The following GLIS3 variants were observed in gnomAD, a reference collection of about 807,000 sequenced individuals.
GLIS3 encodes GLIS family zinc finger 3.
In GLIS3, 53 loss-of-function variants were observed where a neutral mutation model predicts 78.6. That is an observed-to-expected ratio of 0.67 (90% CI 0.54 to 0.85). GLIS3 has a LOEUF of 0.85. GLIS3 is among the 40% of genes least tolerant of loss of function. The pLI is 0.00. For synonymous variants in GLIS3, 684 were observed against 509.9 expected, an observed-to-expected ratio of 1.34 and a Z score of -4.60; for missense variants, 1,703 against 1,231.1, an observed-to-expected ratio of 1.38 and a Z score of -5.74.
chr9:4,037,383 C>T (rs1360761225), intron 4 of GLIS3, among the ~76,000 whole-genome samples: 2 of 152,078 alleles, frequency 1.3e-5, no homozygotes, highest in East Asian at 1.9e-4. Context: ...GTAAAAGTGT[C>T]GATCTGATAG....
At chr9:3,999,023 AG>A (rs1381918510) in intron 4 of GLIS3, among the ~76,000 whole-genome samples, 1 of 152,056 alleles carries the variant, frequency 6.6e-6, no homozygotes, top group African/African-American at 2.4e-5. Flanking sequence ...CTATAAAAAA[AG>A]GTGGTATAAA....
At chr9:4,210,744 T>TGCA (rs1820302822) in intron 2 of GLIS3, among the ~76,000 whole-genome samples, 2 of 152,378 alleles carry the variant, frequency 1.3e-5, no homozygotes, top group South Asian at 4.1e-4. Flanking sequence ...CCCCACTGGC[T>TGCA]GTACGCTTCG....
At chr9:4,347,752 G>T (rs1001125992) in intron 1 of GLIS3, among the ~76,000 whole-genome samples, 1 of 152,134 alleles carries the variant, frequency 6.6e-6, no homozygotes. Context: ...TTTGGTGGGG[G>T]TTGGGGGAGT....
the GLIS3 span, among the ~76,000 whole-genome samples, chr9:4,358,903 A>C: frequency 6.6e-6 from 1 of 151,776 alleles, no homozygotes; most frequent in African/African-American, 2.4e-5. Flanking sequence ...TGCTGCCTCC[A>C]CTCTCCCACT....
chr9:4,201,412 T>C (rs910292695), intron 2 of GLIS3, among the ~76,000 whole-genome samples: 1 of 152,120 alleles, frequency 6.6e-6, no homozygotes, highest in African/African-American at 2.4e-5. Context: ...TTGTGGAAAA[T>C]CTGATTCTAT....
chr9:4,440,911 G>A, the GLIS3 span, among the ~76,000 whole-genome samples: 1 of 151,536 alleles, frequency 6.6e-6, no homozygotes, highest in Admixed American at 6.6e-5. Flanking sequence ...ATTTTTGGTA[G>A]TTATTATAAA....
intron 2 of GLIS3, among the ~76,000 whole-genome samples, chr9:4,131,698 TTAAACCTCTTTTCTTTG>T (rs1387674713): frequency 6.6e-6 from 1 of 152,150 alleles, no homozygotes; most frequent in Non-Finnish European, 1.5e-5. Context: ...TGTGAACCAA[TTAAACCTCTTTTCTTTG>T]TAAATTACCC....
At chr9:4,433,786 G>A in the GLIS3 span, among the ~76,000 whole-genome samples, 2 of 152,200 alleles carry the variant, frequency 1.3e-5, no homozygotes, top group African/African-American at 2.4e-5. Context: ...TGCTAGTGGT[G>A]TAATTTGTTC....
intron 2 of GLIS3, among the ~76,000 whole-genome samples, chr9:4,256,171 T>C (rs987988807): frequency 6.6e-6 from 1 of 152,118 alleles, no homozygotes; most frequent in Non-Finnish European, 1.5e-5. Flanking sequence ...GTAAAGCACC[T>C]CTATTAAAAA....
At chr9:3,881,299 G>T (rs1265409148) in intron 7 of GLIS3, among the ~76,000 whole-genome samples, 4 of 152,006 alleles carry the variant, frequency 2.6e-5, no homozygotes, top group African/African-American at 9.7e-5. Context: ...CTTCAGTGTA[G>T]AAATGTGAGT....
the GLIS3 span, among the ~76,000 whole-genome samples, chr9:4,367,403 T>C: frequency 6.6e-6 from 1 of 152,072 alleles, no homozygotes; most frequent in African/African-American, 2.4e-5. Context: ...ACCATCACCT[T>C]CCGGAGGCCT....
the GLIS3 span, among the ~76,000 whole-genome samples, chr9:4,484,745 A>G: frequency 0.028 from 4,293 of 152,200 alleles, 82 homozygotes; most frequent in Middle Eastern, 0.051. Context: ...GGAGGAAGTT[A>G]TAGTTTAACC....
chr9:4,444,212 AC>A, the GLIS3 span, among the ~76,000 whole-genome samples: 1 of 152,236 alleles, frequency 6.6e-6, no homozygotes, highest in Non-Finnish European at 1.5e-5. Context: ...AAAAAGACAT[AC>A]AAAGGCTCTT....
At chr9:4,199,820 T>C (rs755803848) in intron 2 of GLIS3, among the ~76,000 whole-genome samples, 31 of 152,200 alleles carry the variant, frequency 2.0e-4, no homozygotes, top group Non-Finnish European at 3.7e-4. Context: ...CTAATAGATA[T>C]GTACAGAATA....
At chr9:4,328,878 AGAG>A (rs777130749) in intron 2 of GLIS3, among the ~76,000 whole-genome samples, 21 of 152,212 alleles carry the variant, frequency 1.4e-4, no homozygotes, top group Non-Finnish European at 3.1e-4. Context: ...TACTATTAGA[AGAG>A]GAGTGTGACT....
At chr9:4,450,538 C>T in the GLIS3 span, among the ~76,000 whole-genome samples, 16 of 152,174 alleles carry the variant, frequency 1.1e-4, no homozygotes, top group South Asian at 1.9e-3. Flanking sequence ...CCCCAAGACA[C>T]ATAATTGTCA....
At chr9:4,367,198 G>A in the GLIS3 span, among the ~76,000 whole-genome samples, 3 of 152,114 alleles carry the variant, frequency 2.0e-5, no homozygotes, top group African/African-American at 7.2e-5. Context: ...AGCCGCCGAC[G>A]GCATATACCC....
At position 4,275,717 on chromosome 9, in the gene GLIS3, C is replaced by T. The variant is rs547276067; in HGVS notation, c.388+10321G>A. ...GTTCAAGGCTGCAGTGAGCTATGAT[C>T]GTGCTACTGCACTCTGGCCTGGGGG... On this transcript the variant is annotated intron_variant, in intron 2 of 10. Coordinates refer to ENST00000381971, the MANE Select transcript of GLIS3 (RefSeq NM_001042413.2). Among the ~76,000 whole-genome samples, 10 of 151,976 alleles carry T rather than the reference C, an allele frequency of 6.6e-5. No homozygotes were observed. The South Asian group carries it at 1.7e-3, about 25-fold the overall frequency.
chr9:4,111,356 G>A lies in GLIS3; in HGVS notation c.1710+6412C>T, dbSNP rs139888005. Among the ~76,000 whole-genome samples, 75 of 152,236 alleles carry A rather than the reference G, an allele frequency of 4.9e-4. 2 individuals are homozygous for A. The East Asian group carries it at 6.4e-3, about 13-fold the overall frequency. On this transcript the variant is annotated intron_variant, in intron 4 of 10. Transcript: ENST00000381971. ...GTTTTTCATTCATCCTAGAATCACA[G>A]GGCAAAGAAACATAAACCACGATTA...
Sources: gnomAD v4.1 joint callset for allele counts (sites outside exome capture counted in the v4.1 genomes callset) on GRCh38, gnomAD v4.1.1 for gene constraint, MANE v1.5 for transcripts, NCBI Gene and HGNC (gene_info 2026-07-23, HGNC 2026-07-21) for gene names.